The following USP9X variants were observed in gnomAD, a reference collection of about 807,000 sequenced individuals.
USP9X encodes ubiquitin specific peptidase 9 X-linked, also known as ubiquitin carboxyl-terminal hydrolase 9X.
USP9X carries 7 observed loss-of-function variants against 190.3 expected under a neutral mutation model. The observed-to-expected ratio is 0.04, with a 90% CI of 0.02 to 0.07. USP9X has a LOEUF of 0.07. Ranked by LOEUF, USP9X falls within the 10% of genes least tolerant of loss-of-function variation. The pLI, the probability that USP9X is intolerant of heterozygous loss-of-function variation, is 1.00. For synonymous variants in USP9X, 645 were observed against 659.5 expected (o/e 0.98, Z 0.34); for missense variants, 1,010 against 1,916.9 (o/e 0.53, Z 8.83).
At chrX:41,100,954 A>T (rs1177563503) in intron 1 of USP9X, among the ~76,000 whole-genome samples, 2 of 111,048 alleles carry the variant, frequency 1.8e-5, no homozygotes, top group Non-Finnish European at 3.8e-5. Flanking sequence ...TTTAAAGATG[A>T]TCATCCCTTG....
chrX:41,128,870 A>G, intron 2 of USP9X, 130 bp from the exon 3 acceptor site: 9 of 691,449 alleles, frequency 1.3e-5, no homozygotes, highest in Middle Eastern at 4.8e-4. Context: ...TTGCAGATGC[A>G]GAACCCATGG....
intron 1 of USP9X, among the ~76,000 whole-genome samples, chrX:41,117,231 G>A (rs2062154801): frequency 9.0e-6 from 1 of 111,669 alleles, no homozygotes; most frequent in Non-Finnish European, 1.9e-5. Context: ...AGAGAAAGGT[G>A]TTTTGAGAGA....
intron 38 of USP9X, among the ~76,000 whole-genome samples, chrX:41,220,064 TTC>T (rs1362383274): frequency 8.9e-6 from 1 of 112,234 alleles, no homozygotes; most frequent in Non-Finnish European, 1.9e-5. Context: ...CAGGTTTTTT[TTC>T]TGTGATCTTA....
chrX:41,087,750 A>T (rs2061924270), intron 1 of USP9X, among the ~76,000 whole-genome samples: 2 of 111,287 alleles, frequency 1.8e-5, no homozygotes, highest in Non-Finnish European at 3.8e-5. Context: ...AATTCTCTCT[A>T]CCCCTTTTCT....
intron 6 of USP9X, 110 bp downstream of exon 6, chrX:41,137,132 A>G: frequency 2.7e-6 from 2 of 744,864 alleles, no homozygotes; most frequent in Non-Finnish European, 3.9e-6. Flanking sequence ...ACTTTAAATG[A>G]AAATACACAC....
Position 41,089,108 on chromosome X carries a change from T to C in USP9X, c.-159+2999T>C, listed in dbSNP as rs2061934258. 2.7e-5 allele frequency among the ~76,000 whole-genome samples: 3 copies of C among 112,803 alleles called. No homozygotes were observed. In the South Asian group the frequency reaches 1.1e-3, roughly 40 times the overall value. Reference sequence around the variant, plus strand: ...CATTTGGAGTTGAAAACCACTGGGCTATTGTTTTTATCATGTTGTTAGAAC... The same window carrying C: ...CATTTGGAGTTGAAAACCACTGGGCCATTGTTTTTATCATGTTGTTAGAAC... On this transcript the variant is annotated intron_variant, in intron 1 of 44. Coordinates refer to ENST00000378308, the MANE Select transcript of USP9X (RefSeq NM_001039591.3).
chrX:41,087,657 G>A, intron 1 of USP9X, among the ~76,000 whole-genome samples: 1 of 112,413 alleles, frequency 8.9e-6, no homozygotes, highest in Non-Finnish European at 1.9e-5. Flanking sequence ...TGGAATTGGT[G>A]TTCCACAGGT....
At chrX:41,101,538 C>T (rs1299056385) in intron 1 of USP9X, among the ~76,000 whole-genome samples, 1 of 111,280 alleles carries the variant, frequency 9.0e-6, no homozygotes, top group Non-Finnish European at 1.9e-5. Flanking sequence ...GCAACCTCCA[C>T]CTCCTGGGTT....
Position 41,190,123 on chromosome X carries a change from T to C in USP9X, c.3977+648T>C, listed in dbSNP as rs2062918048. On this transcript the variant is annotated intron_variant, in intron 26 of 44. Transcript: ENST00000378308. ...ATTAACTTGTTTTATCTGTATTTTGTGAAAAGACACAGAAAATGTTTACTT... is the reference window on the plus strand; with the variant it reads ...ATTAACTTGTTTTATCTGTATTTTGCGAAAAGACACAGAAAATGTTTACTT... Among the ~76,000 whole-genome samples the C allele has an allele frequency of 3.6e-5, 4 of 112,417 alleles. No individual in the cohort carries two copies. The South Asian group carries it at 1.5e-3, about 41-fold the overall frequency.
intron 26 of USP9X, among the ~76,000 whole-genome samples, chrX:41,191,153 C>T (rs1351484224): frequency 4.6e-5 from 5 of 109,745 alleles, no homozygotes; most frequent in Admixed American, 2.0e-4. Flanking sequence ...CATGGTGAAA[C>T]CTCGACTCTA....
intron 2 of USP9X, among the ~76,000 whole-genome samples, chrX:41,125,900 A>T (rs756885960): frequency 9.0e-6 from 1 of 111,254 alleles, no homozygotes; most frequent in Admixed American, 9.6e-5. Context: ...AAAACTTACG[A>T]TGTACAGCTC....
chrX:41,098,036 A>G (rs1261816378), intron 1 of USP9X, among the ~76,000 whole-genome samples: 2 of 111,664 alleles, frequency 1.8e-5, no homozygotes, highest in Admixed American at 1.9e-4. Flanking sequence ...AAATATATAC[A>G]TCTGTGTAGT....
intron 21 of USP9X, among the ~76,000 whole-genome samples, chrX:41,174,588 A>G (rs1465963462): frequency 8.9e-6 from 1 of 111,855 alleles, no homozygotes; most frequent in Non-Finnish European, 1.9e-5. Flanking sequence ...TGTTCTTCTC[A>G]ATGCTTCCAG....
chrX:41,193,622 C>A (rs1033171496), intron 26 of USP9X, among the ~76,000 whole-genome samples: 11 of 111,772 alleles, frequency 9.8e-5, no homozygotes, highest in Non-Finnish European at 1.5e-4. Flanking sequence ...CCTGATCGTG[C>A]CACTGCACTC....
intron 31 of USP9X, among the ~76,000 whole-genome samples, chrX:41,201,919 T>C (rs1267318447): frequency 9.1e-6 from 1 of 110,393 alleles, no homozygotes. Flanking sequence ...TGCGATGAGC[T>C]GAGATGGCAC....
chrX:41,148,826 G>A (rs2062494909), intron 12 of USP9X, among the ~76,000 whole-genome samples: 1 of 112,086 alleles, frequency 8.9e-6, no homozygotes, highest in African/African-American at 3.2e-5. Context: ...GCATTATCAA[G>A]TGTATGGTTC....
intron 4 of USP9X, among the ~76,000 whole-genome samples, chrX:41,132,751 T>C: frequency 1.4e-5 from 1 of 69,912 alleles, no homozygotes; most frequent in South Asian, 5.5e-4. Context: ...ACCCAGCCTA[T>C]TTTTTTTTTT....
chrX:41,128,407 GT>G (rs34869162), intron 2 of USP9X, among the ~76,000 whole-genome samples: 20,183 of 110,367 alleles, frequency 0.18, 1,645 homozygotes, highest in East Asian at 0.43. Flanking sequence ...TACTTTCTGA[GT>G]TTTTTTTCAT....
chrX:41,149,594 A>G (rs1210843543), intron 12 of USP9X, among the ~76,000 whole-genome samples: 2 of 110,774 alleles, frequency 1.8e-5, no homozygotes, highest in East Asian at 5.7e-4. Context: ...AAACCCAACA[A>G]TTCTACTTAG....
Sources: allele counts gnomAD v4.1 joint callset (sites outside exome capture counted in the v4.1 genomes callset), GRCh38; gene constraint gnomAD v4.1.1; transcripts MANE v1.5; gene names NCBI Gene and HGNC (gene_info 2026-07-23, HGNC 2026-07-21).